Variants in RBM10 observed in about 807,000 individuals in gnomAD.
The protein encoded by RBM10 is RNA-binding protein 10.
Under a neutral mutation model 84.9 loss-of-function variants are expected in RBM10, and 1 was observed. The ratio of observed to expected loss-of-function variants is 0.01; its 90% CI spans 0.00 to 0.06. The LOEUF is 0.06. RBM10 is among the 10% of genes least tolerant of loss of function. The pLI is 1.00. For synonymous variants in RBM10, 326 were observed against 344.5 expected, an observed-to-expected ratio of 0.95 and a Z score of 0.60; for missense variants, 438 against 839.0, an observed-to-expected ratio of 0.52 and a Z score of 5.90.
At chrX:47,154,521 G>A (rs1254260413) in intron 2 of RBM10, among the ~76,000 whole-genome samples, 2 of 108,277 alleles carry the variant, frequency 1.8e-5, no homozygotes, top group Non-Finnish European at 3.8e-5. Context: ...GTGCGATCTT[G>A]GCTCACCGCA....
intron 2 of RBM10, among the ~76,000 whole-genome samples, chrX:47,164,183 A>G (rs899446502): frequency 4.5e-5 from 5 of 111,018 alleles, no homozygotes; most frequent in Non-Finnish European, 9.4e-5. Context: ...AGAAACTTTT[A>G]TACTTCCAAA....
intron 6 of RBM10, among the ~76,000 whole-genome samples, chrX:47,175,424 G>C (rs782643007): frequency 1.8e-5 from 2 of 109,636 alleles, no homozygotes; most frequent in East Asian, 5.8e-4. Context: ...CGGGGCTGGT[G>C]GGGGGGGCAC....
intron 2 of RBM10, among the ~76,000 whole-genome samples, chrX:47,164,835 G>A (rs782154185): frequency 1.6e-4 from 18 of 112,290 alleles, no homozygotes; most frequent in Admixed American, 4.8e-4. Context: ...TCATAGCAGC[G>A]TTATTCACAA....
intron 2 of RBM10, chrX:47,157,670 GGAC>G: frequency 3.7e-6 from 2 of 536,035 alleles, no homozygotes; most frequent in Admixed American, 4.7e-5. Flanking sequence ...CCAGCTCCAG[GGAC>G]TGGCTGTCAT....
At chrX:47,167,637 C>T (rs782405874) in intron 2 of RBM10, among the ~76,000 whole-genome samples, 12 of 112,030 alleles carry the variant, frequency 1.1e-4, no homozygotes, top group Admixed American at 4.7e-4. Context: ...GTGCCACCCA[C>T]GCCTGGCCTA....
At position 47,145,339 on chromosome X, in the gene RBM10, G is replaced by A; in HGVS notation, c.-272G>A. 1.1e-6 allele frequency: 1 copy of A among 881,136 alleles called. No homozygotes were observed. The highest frequency in any genetic ancestry group is 1.6e-6 in the Non-Finnish European group (1 of 622,772). 72.6% of individuals were successfully genotyped at this position (881,136 alleles called of 1,213,427 possible). ...TTTCCCTGGGAGGGCAGCGCGCTTGGCGCTTCTCCCCTCCCCCCGATCTGC... is the reference window on the plus strand; with the variant it reads ...TTTCCCTGGGAGGGCAGCGCGCTTGACGCTTCTCCCCTCCCCCCGATCTGC... On this transcript the variant is annotated 5_prime_UTR_variant, in exon 1 of 24. Transcript: ENST00000377604.
At chrX:47,174,029 A>G (rs1556775030) in intron 5 of RBM10, among the ~76,000 whole-genome samples, 1 of 96,046 alleles carries the variant, frequency 1.0e-5, no homozygotes, top group Admixed American at 1.2e-4. Context: ...TTTGAACATT[A>G]AGCATGCCCC....
chrX:47,149,215 G>T (rs1209679372), intron 2 of RBM10, among the ~76,000 whole-genome samples: 1 of 111,433 alleles, frequency 9.0e-6, no homozygotes, highest in Non-Finnish European at 1.9e-5. Flanking sequence ...TTGAGACAGG[G>T]TGTCTCTATG....
chrX:47,177,791 T>A (rs1213777488), intron 7 of RBM10, among the ~76,000 whole-genome samples: 1 of 111,338 alleles, frequency 9.0e-6, no homozygotes, highest in Non-Finnish European at 1.9e-5. Context: ...TATTTTTATT[T>A]TTTTTGGTAG....
chrX:47,154,143 A>G (rs1932911435), intron 2 of RBM10, among the ~76,000 whole-genome samples: 1 of 112,120 alleles, frequency 8.9e-6, no homozygotes, highest in Non-Finnish European at 1.9e-5. Context: ...TATATTTTCT[A>G]GAAATATACT....
intron 1 of RBM10, 130 bp downstream of exon 1, chrX:47,145,615 G>C (rs1932065274): frequency 1.7e-6 from 1 of 574,518 alleles, no homozygotes; most frequent in Non-Finnish European, 2.4e-6. Context: ...GTCTCAACCC[G>C]GGAGGGTTTT....
chrX:47,169,524 G>C (rs1400437289), intron 3 of RBM10, 26 bp downstream of exon 3: 1 of 1,188,365 alleles, frequency 8.4e-7, no homozygotes, highest in Non-Finnish European at 1.1e-6. Context: ...GCTGCGCCAG[G>C]CCTGGCTGGG....
chrX:47,164,674 T>G (rs1351154021), intron 2 of RBM10, among the ~76,000 whole-genome samples: 2 of 111,813 alleles, frequency 1.8e-5, no homozygotes, highest in Non-Finnish European at 3.8e-5. Flanking sequence ...CTGGTAGGAA[T>G]GTAAAATGGT....
At chrX:47,159,408 CA>C (rs782318170) in intron 2 of RBM10, among the ~76,000 whole-genome samples, 4,849 of 37,951 alleles carry the variant, frequency 0.13, 376 homozygotes, top group African/African-American at 0.35. Flanking sequence ...AACTCCGTCT[CA>C]AAAAAAAAAA....
chrX:47,177,233 C>T (rs962166462), intron 7 of RBM10, among the ~76,000 whole-genome samples: 16 of 112,440 alleles, frequency 1.4e-4, no homozygotes, highest in Non-Finnish European at 2.6e-4. Flanking sequence ...GCCTGAAGGC[C>T]ACTCTGACCA....
At chrX:47,158,085 C>A in intron 2 of RBM10, 1 of 190,720 alleles carries the variant, frequency 5.2e-6, no homozygotes, top group Non-Finnish European at 9.9e-6. Flanking sequence ...CTCAGCTGCA[C>A]CACTTCTATC....
chrX:47,147,855 G>A (rs900026965), intron 2 of RBM10, among the ~76,000 whole-genome samples: 8 of 111,532 alleles, frequency 7.2e-5, no homozygotes, highest in African/African-American at 2.6e-4. Flanking sequence ...TAGGGGACAA[G>A]CCAGGTCAGA....
At chrX:47,174,939 T>G in intron 5 of RBM10, 80 bp from the exon 6 acceptor site, 1 of 809,342 alleles carries the variant, frequency 1.2e-6, no homozygotes, top group Non-Finnish European at 1.9e-6. Context: ...TCCTCTCCCC[T>G]CGGGTCCCGC....
At chrX:47,146,506 G>A (rs1932241862) in intron 1 of RBM10, among the ~76,000 whole-genome samples, 1 of 111,591 alleles carries the variant, frequency 9.0e-6, no homozygotes, top group Admixed American at 9.5e-5. Context: ...GGGGCCTGAA[G>A]ATCTGGGATT....
Sources: gnomAD v4.1 joint callset for allele counts (sites outside exome capture counted in the v4.1 genomes callset) on GRCh38, gnomAD v4.1.1 for gene constraint, MANE v1.5 for transcripts, NCBI Gene and HGNC (gene_info 2026-07-23, HGNC 2026-07-21) for gene names.